The following DSCAML1 variants were observed in gnomAD, a reference collection of about 807,000 sequenced individuals.
DSCAML1 encodes the protein cell adhesion molecule DSCAML1.
In DSCAML1, 38 loss-of-function variants were observed where a neutral mutation model predicts 200.5. The ratio of observed to expected loss-of-function variants is 0.19; its 90% confidence interval spans 0.15 to 0.25. The LOEUF is 0.25. Among genes scored for constraint, DSCAML1 ranks in the 10% least tolerant of loss-of-function variants. The pLI is 1.00. For synonymous variants in DSCAML1, 1,215 were observed against 1,165.0 expected (o/e 1.04, Z -0.87); for missense variants, 2,223 against 2,858.8 (o/e 0.78, Z 5.07).
At chr11:117,721,160 A>G (rs1322065784) in intron 3 of DSCAML1, among the ~76,000 whole-genome samples, 3 of 152,218 alleles carry the variant, frequency 2.0e-5, no homozygotes, top group African/African-American at 7.2e-5. Context: ...AATAACAGCT[A>G]CCATGTTCTG....
intron 3 of DSCAML1, among the ~76,000 whole-genome samples, chr11:117,580,856 A>G (rs1474766627): frequency 6.6e-6 from 1 of 152,208 alleles, no homozygotes; most frequent in Non-Finnish European, 1.5e-5. Context: ...GGGAACCTTG[A>G]ACATGGAGAA....
intron 3 of DSCAML1, among the ~76,000 whole-genome samples, chr11:117,542,760 G>T (rs1172320384): frequency 6.6e-6 from 1 of 152,256 alleles, no homozygotes; most frequent in Admixed American, 6.5e-5. Flanking sequence ...CACCTAGGAA[G>T]ACCATCCTTC....
intron 3 of DSCAML1, among the ~76,000 whole-genome samples, chr11:117,669,275 C>T (rs1390716729): frequency 6.6e-6 from 1 of 152,162 alleles, no homozygotes; most frequent in Non-Finnish European, 1.5e-5. Context: ...GCAGCACTGG[C>T]ACAGGCAGGC....
At chr11:117,798,997 G>A (rs1037849623), upstream of DSCAML1, among the ~76,000 whole-genome samples, 4 of 152,168 alleles carry the variant, frequency 2.6e-5, no homozygotes, top group African/African-American at 9.7e-5. Flanking sequence ...ACAGACTGCA[G>A]GGGGTGTTTG....
chr11:117,429,790 G>A (rs1229568456), intron 32 of DSCAML1, among the ~76,000 whole-genome samples: 2 of 152,238 alleles, frequency 1.3e-5, no homozygotes, highest in Admixed American at 6.5e-5. Flanking sequence ...CCGGGGAGCT[G>A]GGCCAGGCAT....
chr11:117,441,342 G>A (rs1316001434), intron 21 of DSCAML1, among the ~76,000 whole-genome samples: 1 of 152,216 alleles, frequency 6.6e-6, no homozygotes, highest in East Asian at 1.9e-4. Flanking sequence ...TGGAGCACCA[G>A]AGAGATGCCT....
Position 117,438,043 on chromosome 11 carries a change from C to A in DSCAML1, c.4284G>T (p.Trp1428Cys). Reference sequence around the variant, plus strand: ...CGCTGGAGCTGATGAACACATCCTTCCACTCCTCGCTGTTGTCCACCGAGT... The same window carrying A: ...CGCTGGAGCTGATGAACACATCCTTACACTCCTCGCTGTTGTCCACCGAGT... ...LQYSVDNSEEWKDVFISSSER... is the reference protein window; with the variant it reads ...LQYSVDNSEECKDVFISSSER... The change falls in exon 25 of 33, where the codon TGG becomes TGT. Residue 1428 changes from tryptophan (W) to cysteine (C), a missense_variant. Physicochemically the swap from Trp to Cys is radical, Grantham distance 215 (BLOSUM62 -2). Transcript: ENST00000651296. 1 of 1,614,008 alleles carries A rather than the reference C, an allele frequency of 6.2e-7. No individual in the cohort carries two copies. The highest frequency in any genetic ancestry group is 1.1e-5 in the South Asian group (1 of 91,070).
intron 4 of DSCAML1, among the ~76,000 whole-genome samples, chr11:117,525,872 A>T (rs901510018): frequency 6.6e-6 from 1 of 152,160 alleles, no homozygotes; most frequent in African/African-American, 2.4e-5. Context: ...AGGACGATCT[A>T]TCTGTTCCTG....
At chr11:117,678,321 T>C (rs2053253984) in intron 3 of DSCAML1, among the ~76,000 whole-genome samples, 2 of 152,172 alleles carry the variant, frequency 1.3e-5, no homozygotes, top group Non-Finnish European at 2.9e-5. Context: ...CCTTGATAGA[T>C]GAGGGTTTGC....
In DSCAML1 at chr11:117,428,366, C is replaced by T. The variant is rs200852979; in HGVS notation, c.6124G>A (p.Gly2042Arg). 1.6e-5 allele frequency: 26 copies of T among 1,589,278 alleles called. No individual in the cohort carries two copies. The highest frequency in any genetic ancestry group is 5.5e-5 in the Admixed American group (3 of 54,912). The change falls in exon 33 of 33, where the codon GGG becomes AGG. Residue 2042 changes from glycine (G) to arginine (R), a missense_variant. Gly to Arg is a moderately radical substitution (Grantham distance 125, BLOSUM62 -2). Transcript: ENST00000651296. ...TSGVGRSQKQ[G>R]AGAYSKSYTL... ...TAGGATTTGGAGTAGGCCCCGGCCC[C>T]CTGCTTCTGAGACCTCCCTACCCCC...
At chr11:117,817,232 C>G (rs2055818555) in intron 1 of DSCAML1, among the ~76,000 whole-genome samples, 1 of 152,224 alleles carries the variant, frequency 6.6e-6, no homozygotes, top group Admixed American at 6.5e-5. Context: ...CCAAGGCCAG[C>G]ACTTCTGGGC....
chr11:117,455,029 C>G (rs895723208), intron 19 of DSCAML1, among the ~76,000 whole-genome samples: 1 of 152,330 alleles, frequency 6.6e-6, no homozygotes, highest in Non-Finnish European at 1.5e-5. Flanking sequence ...AGGGGAGGAG[C>G]TGTTCCAAAT....
chr11:117,718,408 T>A (rs1356815844), intron 3 of DSCAML1, among the ~76,000 whole-genome samples: 1 of 152,202 alleles, frequency 6.6e-6, no homozygotes, highest in African/African-American at 2.4e-5. Flanking sequence ...ACAAACTCAG[T>A]TCCAGCATAG....
intron 3 of DSCAML1, among the ~76,000 whole-genome samples, chr11:117,769,995 C>T (rs180978576): frequency 6.6e-6 from 1 of 152,164 alleles, no homozygotes; most frequent in African/African-American, 2.4e-5. Flanking sequence ...ATCACCCCAG[C>T]CTTTCATTGC....
At chr11:117,501,879 G>T (rs1443006397) in intron 11 of DSCAML1, among the ~76,000 whole-genome samples, 1 of 152,152 alleles carries the variant, frequency 6.6e-6, no homozygotes, top group East Asian at 1.9e-4. Context: ...TGAGGACATG[G>T]GGGAGGAAAG....
At chr11:117,514,591 T>C (rs1038268590) in intron 8 of DSCAML1, among the ~76,000 whole-genome samples, 1 of 136,914 alleles carries the variant, frequency 7.3e-6, no homozygotes, top group African/African-American at 2.7e-5. Context: ...TTTTTTTTTT[T>C]TTTTTTTTGA....
At chr11:117,433,303 T>G (rs761712926) in intron 28 of DSCAML1, 47 bp from the exon 29 acceptor site, 7 of 1,576,796 alleles carry the variant, frequency 4.4e-6, no homozygotes, top group Non-Finnish European at 4.3e-6. Flanking sequence ...CCATAAGGGG[T>G]TGGGGAAGGG....
intron 3 of DSCAML1, among the ~76,000 whole-genome samples, chr11:117,589,088 T>C (rs887254741): frequency 1.9e-4 from 29 of 152,314 alleles, no homozygotes; most frequent in African/African-American, 6.7e-4. Flanking sequence ...GAGGCCCCTA[T>C]GTTAGCTTAC....
At chr11:117,692,676 T>G (rs1376881497) in intron 3 of DSCAML1, among the ~76,000 whole-genome samples, 4 of 152,166 alleles carry the variant, frequency 2.6e-5, no homozygotes, top group Admixed American at 2.6e-4. Context: ...CAAGAGCACC[T>G]CAATCAATCT....
Sources: gnomAD v4.1 joint callset for allele counts (sites outside exome capture counted in the v4.1 genomes callset) on GRCh38, gnomAD v4.1.1 for gene constraint, MANE v1.5 for transcripts, NCBI Gene and HGNC (gene_info 2026-07-23, HGNC 2026-07-21) for gene names.